Variants in EYS observed in about 807,000 individuals in gnomAD.
The protein encoded by EYS is protein eyes shut homolog.
A neutral mutation model predicts 282.1 loss-of-function variants in EYS; 250 were observed. The observed-to-expected ratio is 0.89, with a 90% CI of 0.80 to 0.98. The LOEUF is 0.98. EYS is among the 50% of genes least tolerant of loss of function. The probability of loss-of-function intolerance (pLI) is 0.00; values close to 1 mark genes in which losing one functional copy is unlikely to be tolerated. For missense variants in EYS, 4,016 were observed against 3,709.0 expected (o/e 1.08, Z -2.15); for synonymous variants, 1,355 against 1,282.9 (o/e 1.06, Z -1.20).
intron 28 of EYS, among the ~76,000 whole-genome samples, chr6:64,417,671 C>CTTTTTTTT (rs11414644): frequency 8.1e-6 from 1 of 124,032 alleles, no homozygotes; most frequent in Non-Finnish European, 1.6e-5. Flanking sequence ...TAAGGGTTGG[C>CTTTTTTTT]TTTTTTTTTT....
At chr6:65,007,349 C>G (rs1771709525) in intron 13 of EYS, among the ~76,000 whole-genome samples, 1 of 152,066 alleles carries the variant, frequency 6.6e-6, no homozygotes, top group Non-Finnish European at 1.5e-5. Flanking sequence ...GAATTAAGAC[C>G]AATTTGACCC....
At chr6:63,895,928 T>G (rs1334434461) in intron 35 of EYS, among the ~76,000 whole-genome samples, 2 of 76,258 alleles carry the variant, frequency 2.6e-5, no homozygotes, top group Non-Finnish European at 5.8e-5. Context: ...TTTTTTTTTT[T>G]TTTTTCAGAA....
intron 12 of EYS, among the ~76,000 whole-genome samples, chr6:65,109,443 T>C (rs1204629817): frequency 6.6e-6 from 1 of 152,116 alleles, no homozygotes; most frequent in African/African-American, 2.4e-5. Context: ...TGCAAACCTT[T>C]TTTTACTTGG....
At chr6:65,039,443 T>G (rs1772866069) in intron 13 of EYS, among the ~76,000 whole-genome samples, 1 of 151,510 alleles carries the variant, frequency 6.6e-6, no homozygotes, top group Non-Finnish European at 1.5e-5. Context: ...TTTCTTGTAT[T>G]TAATAGACTT....
intron 19 of EYS, among the ~76,000 whole-genome samples, chr6:64,824,721 G>T (rs561250461): frequency 6.6e-6 from 1 of 151,948 alleles, no homozygotes; most frequent in South Asian, 2.1e-4. Context: ...CAGCAATGTT[G>T]GGAGATGAGG....
intron 19 of EYS, among the ~76,000 whole-genome samples, chr6:64,856,295 A>T (rs755613257): frequency 1.3e-5 from 2 of 152,024 alleles, no homozygotes; most frequent in African/African-American, 2.4e-5. Context: ...TATCAAAAAA[A>T]TATCATTGGT....
chr6:64,308,975 A>G (rs1769566258), intron 29 of EYS, among the ~76,000 whole-genome samples: 1 of 151,200 alleles, frequency 6.6e-6, no homozygotes, highest in African/African-American at 2.5e-5. Context: ...TAATTTTTAG[A>G]TTTAATTCTT....
At chr6:63,980,904 A>G (rs1319515285) in intron 35 of EYS, among the ~76,000 whole-genome samples, 1 of 151,890 alleles carries the variant, frequency 6.6e-6, no homozygotes. Context: ...TCGGCTAACA[A>G]CATAGATAGG....
At chr6:64,760,156 A>G (rs373494545) in intron 22 of EYS, among the ~76,000 whole-genome samples, 196 of 152,220 alleles carry the variant, frequency 1.3e-3, no homozygotes, top group African/African-American at 4.2e-3. Context: ...CTGTCTTCTC[A>G]CCCCAAATAG....
At chr6:65,093,934 A>G (rs1774648366) in intron 12 of EYS, among the ~76,000 whole-genome samples, 1 of 151,744 alleles carries the variant, frequency 6.6e-6, no homozygotes, top group Non-Finnish European at 1.5e-5. Flanking sequence ...CAAGAGATGG[A>G]GAAAGATATC....
chr6:64,633,240 G>C (rs1287349621), intron 22 of EYS, among the ~76,000 whole-genome samples: 1 of 152,130 alleles, frequency 6.6e-6, no homozygotes, highest in Non-Finnish European at 1.5e-5. Context: ...GAAATTGTAT[G>C]TAGACATATA....
intron 26 of EYS, among the ~76,000 whole-genome samples, chr6:64,571,820 G>A (rs1464956845): frequency 2.0e-5 from 3 of 152,100 alleles, no homozygotes; most frequent in East Asian, 1.9e-4. Context: ...GGATCAGATC[G>A]ATTCACAGGT....
intron 7 of EYS, among the ~76,000 whole-genome samples, chr6:65,397,265 AACATGGGTATATT>A: frequency 6.6e-6 from 1 of 152,006 alleles, no homozygotes; most frequent in East Asian, 1.9e-4. Context: ...TTGTTATTTT[AACATGGGTATATT>A]ACATAGCGGT....
chr6:64,192,846 A>G (rs1443345415), intron 31 of EYS, among the ~76,000 whole-genome samples: 1 of 152,226 alleles, frequency 6.6e-6, no homozygotes, highest in African/African-American at 2.4e-5. Flanking sequence ...CATGTGGATA[A>G]CTAATTGCCC....
Position 64,971,404 on chromosome 6 carries a change from C to CT in EYS, c.2260-25491dup, listed in dbSNP as rs545717924. On this transcript the variant is annotated intron_variant, in intron 14 of 42. Coordinates refer to ENST00000503581, the MANE Select transcript of EYS (RefSeq NM_001142800.2). ...AACTCTACTGTTTTATACAAACACACTTGGGTTTATTATGATCAGGGCTGC... is the reference window on the plus strand; with the variant it reads ...AACTCTACTGTTTTATACAAACACACTTTGGGTTTATTATGATCAGGGCTGC... 1.0e-3 allele frequency among the ~76,000 whole-genome samples: 157 copies of CT among 152,092 alleles called. No individual in the cohort carries two copies. The South Asian group carries it at 0.031, about 30-fold the overall frequency.
intron 12 of EYS, among the ~76,000 whole-genome samples, chr6:65,218,928 C>T (rs1766387456): frequency 6.6e-6 from 1 of 151,866 alleles, no homozygotes; most frequent in Non-Finnish European, 1.5e-5. Flanking sequence ...AGCAAGTGAA[C>T]AGTGATAGAA....
intron 31 of EYS, among the ~76,000 whole-genome samples, chr6:64,143,039 C>G (rs566004176): frequency 2.0e-5 from 3 of 152,048 alleles, no homozygotes. Context: ...GAAATGTAAA[C>G]GCATATCACT....
intron 31 of EYS, among the ~76,000 whole-genome samples, chr6:64,088,244 A>G (rs1280278134): frequency 2.0e-5 from 3 of 152,066 alleles, no homozygotes; most frequent in African/African-American, 7.2e-5. Flanking sequence ...CTATTTGAAC[A>G]CACTCCAAAT....
chr6:64,774,194 C>T (rs991972631), intron 22 of EYS, among the ~76,000 whole-genome samples: 13 of 151,938 alleles, frequency 8.6e-5, no homozygotes, highest in Non-Finnish European at 1.8e-4. Flanking sequence ...ACTTCTGAGG[C>T]TTTCCCAGGA....
Sources: allele counts gnomAD v4.1 joint callset (sites outside exome capture counted in the v4.1 genomes callset), GRCh38; gene constraint gnomAD v4.1.1; transcripts MANE v1.5; gene names NCBI Gene and HGNC (gene_info 2026-07-23, HGNC 2026-07-21).